The following RASSF3 variants were observed in gnomAD, a reference collection of about 807,000 sequenced individuals.
The protein encoded by RASSF3 is Ras association domain family member 3.
In RASSF3, 19 loss-of-function variants were observed where a neutral mutation model predicts 19.9. The observed-to-expected ratio is 0.96, with a 90% CI of 0.67 to 1.40. The LOEUF (loss-of-function observed/expected upper bound fraction) is 1.40, where lower values mean the gene tolerates loss of function less well. RASSF3 is among the 40% of genes most tolerant of loss of function. RASSF3 has a pLI of 0.00. For missense variants in RASSF3, 306 were observed against 289.8 expected, an observed-to-expected ratio of 1.06 and a Z score of -0.41; for synonymous variants, 110 against 104.2, an observed-to-expected ratio of 1.06 and a Z score of -0.34.
intron 2 of RASSF3, among the ~76,000 whole-genome samples, chr12:64,553,089 G>A (rs951619937): frequency 1.3e-5 from 2 of 152,088 alleles, no homozygotes; most frequent in South Asian, 2.1e-4. Context: ...CACACCAAAG[G>A]CCTGTGAGTC....
At chr12:64,689,774 C>G (rs1873504219) in intron 3 of RASSF3, among the ~76,000 whole-genome samples, 1 of 121,546 alleles carries the variant, frequency 8.2e-6, no homozygotes. Flanking sequence ...TGGTTTGTAG[C>G]TGCTAATTCG....
At position 64,640,424 on chromosome 12, in the gene RASSF3, C is replaced by T. The variant is rs537471077; in HGVS notation, c.111+29681C>T. 4.6e-5 allele frequency among the ~76,000 whole-genome samples: 7 copies of T among 152,260 alleles called. No homozygotes were observed. The South Asian group carries it at 1.5e-3, about 32-fold the overall frequency. On this transcript the variant is annotated intron_variant, in intron 1 of 4. Coordinates refer to ENST00000542104, the MANE Select transcript of RASSF3 (RefSeq NM_178169.4). Reference sequence around the variant, plus strand: ...TCGAGGGCTTATTCATCTTGTGTAACTATAACTTTATTCCCATTGAACAAC... The same window carrying T: ...TCGAGGGCTTATTCATCTTGTGTAATTATAACTTTATTCCCATTGAACAAC...
chr12:64,516,591 C>T (rs1275324049), intron 1 of RASSF3, among the ~76,000 whole-genome samples: 5 of 147,202 alleles, frequency 3.4e-5, no homozygotes, highest in African/African-American at 1.0e-4. Context: ...TGCACTCCAG[C>T]CTGGGCGACA....
chr12:64,522,800 G>C (rs530734594), intron 1 of RASSF3, among the ~76,000 whole-genome samples: 1 of 152,284 alleles, frequency 6.6e-6, no homozygotes, highest in African/African-American at 2.4e-5. Context: ...AAATTTCTCT[G>C]TCCCAGTAGG....
At chr12:64,652,366 T>G (rs1321893362) in intron 1 of RASSF3, among the ~76,000 whole-genome samples, 1 of 152,192 alleles carries the variant, frequency 6.6e-6, no homozygotes, top group Non-Finnish European at 1.5e-5. Context: ...GGGCTTTTTT[T>G]TTAAACACGT....
intron 1 of RASSF3, among the ~76,000 whole-genome samples, chr12:64,656,614 CCTGA>C (rs772585685): frequency 1.3e-5 from 2 of 152,090 alleles, no homozygotes; most frequent in Admixed American, 6.6e-5. Flanking sequence ...GCTGAGTGGC[CCTGA>C]CTTTGTGCAG....
At chr12:64,538,650 C>CAA (rs35777262) in intron 1 of RASSF3, among the ~76,000 whole-genome samples, 14 of 150,368 alleles carry the variant, frequency 9.3e-5, no homozygotes, top group Admixed American at 3.3e-4. Context: ...AGAAAACACA[C>CAA]AAAAAAAAAC....
At chr12:64,652,623 T>C (rs1000909293) in intron 1 of RASSF3, among the ~76,000 whole-genome samples, 1 of 152,180 alleles carries the variant, frequency 6.6e-6, no homozygotes, top group African/African-American at 2.4e-5. Flanking sequence ...GAGTGTCCAA[T>C]CCAGAGATGA....
At chr12:64,528,640 A>G (rs984666567), upstream of RASSF3, among the ~76,000 whole-genome samples, 1 of 152,218 alleles carries the variant, frequency 6.6e-6, no homozygotes, top group Non-Finnish European at 1.5e-5. Context: ...ATAGGCTACA[A>G]AGGAAACCTC....
At chr12:64,543,413 CGCCCCCCG>C (rs1868977407), downstream of RASSF3, among the ~76,000 whole-genome samples, 1 of 98,170 alleles carries the variant, frequency 1.0e-5, no homozygotes, top group African/African-American at 3.5e-5. Flanking sequence ...CTGAGTTTCC[CGCCCCCCG>C]GCTCCCCGCC....
chr12:64,689,804 T>TTTTTTTTTTTTTA (rs11272662), intron 3 of RASSF3, among the ~76,000 whole-genome samples: 4 of 146,420 alleles, frequency 2.7e-5, no homozygotes, highest in African/African-American at 1.0e-4. Flanking sequence ...TTTTTTTTTT[T>TTTTTTTTTTTTTA]GAGACGGAGT....
At chr12:64,539,000 C>T (rs1276984169) in intron 1 of RASSF3, among the ~76,000 whole-genome samples, 3 of 152,158 alleles carry the variant, frequency 2.0e-5, no homozygotes, top group African/African-American at 7.2e-5. Context: ...GAGCCGACAT[C>T]ATGCCACTGC....
chr12:64,582,333 T>C (rs1869717638), intron 2 of RASSF3, among the ~76,000 whole-genome samples: 1 of 152,200 alleles, frequency 6.6e-6, no homozygotes, highest in African/African-American at 2.4e-5. Flanking sequence ...CTCAGAAACT[T>C]TGCTGACAGC....
chr12:64,640,400 C>T (rs1260479315), intron 1 of RASSF3, among the ~76,000 whole-genome samples: 2 of 152,150 alleles, frequency 1.3e-5, no homozygotes, highest in Non-Finnish European at 2.9e-5. Context: ...ACACAGATCT[C>T]GAGGGCTTAT....
At chr12:64,684,947 A>C in intron 2 of RASSF3, 53 bp downstream of exon 2, 1 of 1,051,386 alleles carries the variant, frequency 9.5e-7, no homozygotes, top group Non-Finnish European at 1.5e-6. Flanking sequence ...ACAAATATAA[A>C]TTGTTGGTAC....
At chr12:64,596,434 T>C (rs956743672) in intron 2 of RASSF3, among the ~76,000 whole-genome samples, 16 of 152,222 alleles carry the variant, frequency 1.1e-4, no homozygotes, top group African/African-American at 3.6e-4. Flanking sequence ...AAGAGGTTTA[T>C]TTGGCTCACA....
intron 2 of RASSF3, among the ~76,000 whole-genome samples, chr12:64,603,136 T>A (rs565691056): frequency 1.3e-5 from 2 of 152,078 alleles, no homozygotes; most frequent in East Asian, 3.9e-4. Flanking sequence ...AGTGTAGCTC[T>A]TCAATTTATC....
chr12:64,550,380 A>G (rs1402840952), intron 2 of RASSF3, among the ~76,000 whole-genome samples: 1 of 151,968 alleles, frequency 6.6e-6, no homozygotes, highest in East Asian at 1.9e-4. Context: ...AGAAAAGAGA[A>G]ATAGCCAGGC....
chr12:64,563,926 AT>A (rs1367705469), intron 2 of RASSF3, among the ~76,000 whole-genome samples: 1 of 152,112 alleles, frequency 6.6e-6, no homozygotes, highest in Non-Finnish European at 1.5e-5. Flanking sequence ...CCCATCTAGA[AT>A]GTAAGTTTCA....
Sources: gnomAD v4.1 joint callset for allele counts (sites outside exome capture counted in the v4.1 genomes callset) on GRCh38, gnomAD v4.1.1 for gene constraint, MANE v1.5 for transcripts, NCBI Gene and HGNC (gene_info 2026-07-23, HGNC 2026-07-21) for gene names.